SPIDR: variants seen among roughly 807,000 people sequenced by gnomAD.
The protein encoded by SPIDR is DNA repair-scaffolding protein.
SPIDR carries 93 observed loss-of-function variants against 104.6 expected under a neutral mutation model. That is an observed-to-expected ratio of 0.89 (90% CI 0.75 to 1.06). The LOEUF (loss-of-function observed/expected upper bound fraction) is 1.06. SPIDR is among the 50% of genes least tolerant of loss of function. The pLI, the probability that SPIDR is intolerant of heterozygous loss-of-function variation, is 0.00. For missense variants in SPIDR, 1,154 were observed against 1,111.2 expected (o/e 1.04, Z -0.55); for synonymous variants, 431 against 416.9 (o/e 1.03, Z -0.41).
At chr8:47,272,084 C>T (rs1022695275) in intron 1 of SPIDR, among the ~76,000 whole-genome samples, 32 of 152,126 alleles carry the variant, frequency 2.1e-4, no homozygotes, top group Non-Finnish European at 4.6e-4. Context: ...AAGCGAGTCT[C>T]AGCCTCCTGA....
At chr8:47,427,720 C>T (rs1285030190) in intron 7 of SPIDR, among the ~76,000 whole-genome samples, 1 of 151,998 alleles carries the variant, frequency 6.6e-6, no homozygotes, top group African/African-American at 2.4e-5. Context: ...GATGTGGTGC[C>T]CCACAGTGCA....
chr8:47,612,997 TA>T (rs1157763670), intron 10 of SPIDR, among the ~76,000 whole-genome samples: 7 of 152,240 alleles, frequency 4.6e-5, no homozygotes, highest in African/African-American at 1.4e-4. Context: ...TTTATTTGTT[TA>T]TTTACTGATA....
Position 47,541,721 on chromosome 8 carries a change from A to AC in SPIDR, c.1098-54086dup, listed in dbSNP as rs1371354841. Among the ~76,000 whole-genome samples the AC allele has an allele frequency of 2.6e-5, 4 of 152,038 alleles. No individual in the cohort carries two copies. The East Asian group carries it at 7.7e-4, about 29-fold the overall frequency. ...AGACCAGCCTAGCCAACCTGGTGAA[A>AC]CCCCATCTCTACTAAAAATACAAAA... On this transcript the variant is annotated intron_variant, in intron 8 of 19. Transcript: ENST00000297423.
chr8:47,723,574 C>T (rs1038162969), intron 16 of SPIDR, among the ~76,000 whole-genome samples: 9 of 151,910 alleles, frequency 5.9e-5, no homozygotes, highest in Non-Finnish European at 1.0e-4. Context: ...GGACTACAGG[C>T]ACCCGCCACC....
At chr8:47,275,257 T>G (rs2036176534) in intron 1 of SPIDR, among the ~76,000 whole-genome samples, 1 of 146,042 alleles carries the variant, frequency 6.8e-6, no homozygotes, top group Non-Finnish European at 1.5e-5. Context: ...AGACTCAGTC[T>G]CAAAAAAAAA....
At chr8:47,354,160 A>G (rs2054078240) in intron 5 of SPIDR, among the ~76,000 whole-genome samples, 1 of 152,208 alleles carries the variant, frequency 6.6e-6, no homozygotes, top group South Asian at 2.1e-4. Flanking sequence ...TAAAGAAAAT[A>G]TATTCACAAA....
chr8:47,672,318 C>G (rs1289727612), intron 10 of SPIDR, among the ~76,000 whole-genome samples: 1 of 152,180 alleles, frequency 6.6e-6, no homozygotes, highest in Non-Finnish European at 1.5e-5. Flanking sequence ...AATTCTCAAT[C>G]ACTGTAACTA....
chr8:47,580,478 C>T (rs181350183), intron 8 of SPIDR, among the ~76,000 whole-genome samples: 3 of 152,082 alleles, frequency 2.0e-5, no homozygotes, highest in Admixed American at 6.5e-5. Context: ...TTATAAAAAC[C>T]GAGTCACAAA....
chr8:47,362,740 C>T (rs551821166), intron 5 of SPIDR, among the ~76,000 whole-genome samples: 16 of 152,156 alleles, frequency 1.1e-4, no homozygotes, highest in Non-Finnish European at 2.2e-4. Context: ...GCAACCTCCA[C>T]CTCCCAGGTT....
intron 5 of SPIDR, among the ~76,000 whole-genome samples, chr8:47,295,532 C>G (rs2040682767): frequency 6.6e-6 from 1 of 152,078 alleles, no homozygotes; most frequent in Non-Finnish European, 1.5e-5. Flanking sequence ...TTTAGATTCC[C>G]CATGTAAGTA....
chr8:47,629,365 A>G (rs961952267), intron 10 of SPIDR, among the ~76,000 whole-genome samples: 10 of 152,224 alleles, frequency 6.6e-5, no homozygotes, highest in Non-Finnish European at 1.0e-4. Flanking sequence ...TTGGCGGGCC[A>G]TACCACAGTC....
intron 5 of SPIDR, among the ~76,000 whole-genome samples, chr8:47,301,816 T>C (rs1441459641): frequency 3.3e-5 from 4 of 122,526 alleles, no homozygotes; most frequent in East Asian, 4.3e-4. Context: ...AGAGATCCGC[T>C]GTTAGTCTGA....
intron 8 of SPIDR, among the ~76,000 whole-genome samples, chr8:47,586,298 G>GT (rs1221727926): frequency 2.0e-5 from 3 of 151,766 alleles, no homozygotes; most frequent in East Asian, 1.9e-4. Flanking sequence ...GTTTTGTGGG[G>GT]TTTTTTTTCC....
At chr8:47,590,911 T>A (rs2060929942) in intron 8 of SPIDR, among the ~76,000 whole-genome samples, 1 of 152,238 alleles carries the variant, frequency 6.6e-6, no homozygotes, top group Non-Finnish European at 1.5e-5. Context: ...TTTCTATATT[T>A]GGAGTTTTCT....
chr8:47,306,017 CTTTGTGTATGAT>C (rs2043031261), intron 5 of SPIDR, among the ~76,000 whole-genome samples: 1 of 152,216 alleles, frequency 6.6e-6, no homozygotes, highest in South Asian at 2.1e-4. Flanking sequence ...CACCATTCTA[CTTTGTGTATGAT>C]TTTGACTACT....
intron 5 of SPIDR, among the ~76,000 whole-genome samples, chr8:47,329,413 G>A (rs1396818687): frequency 1.3e-5 from 2 of 152,068 alleles, no homozygotes; most frequent in Admixed American, 6.6e-5. Flanking sequence ...TCACCATGTT[G>A]GCCAGGCTGG....
chr8:47,592,740 C>T, intron 8 of SPIDR: 1 of 513,042 alleles, frequency 1.9e-6, no homozygotes, highest in Non-Finnish European at 3.5e-6. Context: ...TTAGAACCAC[C>T]TCAGACAATG....
At chr8:47,585,118 A>G (rs1286870615) in intron 8 of SPIDR, among the ~76,000 whole-genome samples, 2 of 152,244 alleles carry the variant, frequency 1.3e-5, no homozygotes, top group Non-Finnish European at 2.9e-5. Context: ...TTTACGTATA[A>G]TTAATCATAT....
intron 10 of SPIDR, among the ~76,000 whole-genome samples, chr8:47,616,342 C>T (rs551292343): frequency 3.3e-4 from 50 of 152,154 alleles, no homozygotes; most frequent in Non-Finnish European, 6.3e-4. Flanking sequence ...TCCTTCTTTT[C>T]CTGCTTTGTT....
Sources: allele counts gnomAD v4.1 joint callset (sites outside exome capture counted in the v4.1 genomes callset), GRCh38; gene constraint gnomAD v4.1.1; transcripts MANE v1.5; gene names NCBI Gene and HGNC (gene_info 2026-07-23, HGNC 2026-07-21).